PTPRT: variants seen among roughly 807,000 people sequenced by gnomAD.
The protein encoded by PTPRT is receptor-type tyrosine-protein phosphatase T.
In PTPRT, 56 loss-of-function variants were observed where a neutral mutation model predicts 176.8. The observed-to-expected ratio is 0.32, with a 90% CI of 0.26 to 0.40. The LOEUF (loss-of-function observed/expected upper bound fraction) is 0.40. Ranked by LOEUF, PTPRT falls within the 10% of genes least tolerant of loss-of-function variation. PTPRT has a pLI of 1.00. For missense variants in PTPRT, 1,540 were observed against 1,908.2 expected (o/e 0.81, Z 3.60); for synonymous variants, 783 against 739.0 (o/e 1.06, Z -0.96).
intron 1 of PTPRT, among the ~76,000 whole-genome samples, chr20:42,910,741 C>A (rs73910615): frequency 0.034 from 5,228 of 152,212 alleles, 210 homozygotes; most frequent in African/African-American, 0.097. Flanking sequence ...TTACGGAACA[C>A]AAAATCTTCT....
In PTPRT at chr20:42,411,517, CAAAAAA is replaced by C. The variant is rs10591184; in HGVS notation, c.1560+36697_1560+36702del. ...AGCCAACAAGAGCTAAACCCTGTCT[CAAAAAA>C]AAAAAAAAAAAAAAAAAGAAAAAAG... On this transcript the variant is annotated intron_variant, in intron 9 of 30. Coordinates refer to ENST00000373187, the MANE Select transcript of PTPRT (RefSeq NM_007050.6). Among the ~76,000 whole-genome samples, 284 of 88,294 alleles carry C rather than the reference CAAAAAA, an allele frequency of 3.2e-3. 1 individual carries two copies. Among genetic ancestry groups the C allele is most frequent in the African/African-American group, 0.011 (254 of 22,302 alleles). The allele number at this position is 88,294 out of a possible 152,430, so 57.9% of individuals were successfully genotyped here.
chr20:42,715,531 G>A (rs747825193), intron 6 of PTPRT, among the ~76,000 whole-genome samples: 11 of 152,162 alleles, frequency 7.2e-5, no homozygotes, highest in Non-Finnish European at 1.5e-4. Flanking sequence ...TTACTCTGGG[G>A]TTAGTAGCAG....
intron 16 of PTPRT, among the ~76,000 whole-genome samples, chr20:42,194,009 G>A (rs549228916): frequency 6.6e-5 from 10 of 152,128 alleles, no homozygotes; most frequent in East Asian, 1.9e-4. Context: ...GGCCATGAAA[G>A]CTCTCTGAAC....
intron 15 of PTPRT, among the ~76,000 whole-genome samples, chr20:42,214,619 G>A (rs1233410264): frequency 1.3e-5 from 2 of 152,202 alleles, no homozygotes; most frequent in African/African-American, 4.8e-5. Context: ...GCCTCTATCT[G>A]TCTATCTCTG....
intron 1 of PTPRT, among the ~76,000 whole-genome samples, chr20:43,031,560 C>G (rs192515325): frequency 6.6e-6 from 1 of 152,180 alleles, no homozygotes; most frequent in African/African-American, 2.4e-5. Context: ...TGGCACAACA[C>G]TTTCCAGTAC....
intron 6 of PTPRT, among the ~76,000 whole-genome samples, chr20:42,680,328 T>G (rs1235277561): frequency 6.6e-6 from 1 of 152,202 alleles, no homozygotes; most frequent in Non-Finnish European, 1.5e-5. Context: ...AGCAGATTAG[T>G]CAAGCTAGAT....
chr20:42,220,405 A>G (rs1312992579), intron 15 of PTPRT, among the ~76,000 whole-genome samples: 4 of 152,118 alleles, frequency 2.6e-5, no homozygotes, highest in Non-Finnish European at 5.9e-5. Flanking sequence ...GCCATTGTAC[A>G]TTTATTTCCA....
At position 42,512,207 on chromosome 20, in the gene PTPRT, C is replaced by T. The variant is rs560289672; in HGVS notation, c.1154-39645G>A. 1.8e-4 allele frequency among the ~76,000 whole-genome samples: 27 copies of T among 151,912 alleles called. No individual in the cohort carries two copies. In the South Asian group the frequency reaches 4.2e-3, roughly 23 times the overall value. On this transcript the variant is annotated intron_variant, in intron 7 of 30. Transcript: ENST00000373187. Reference sequence around the variant, plus strand: ...AATACATATATAGATTTCATGTAACCACCACCACTATCAGGATACAGCATG... The same window carrying T: ...AATACATATATAGATTTCATGTAACTACCACCACTATCAGGATACAGCATG...
At chr20:42,877,876 A>G in intron 2 of PTPRT, among the ~76,000 whole-genome samples, 1 of 152,174 alleles carries the variant, frequency 6.6e-6, no homozygotes, top group East Asian at 1.9e-4. Context: ...TACCTAAGCT[A>G]AGAGCTAGAA....
intron 7 of PTPRT, among the ~76,000 whole-genome samples, chr20:42,623,594 C>T (rs1159556806): frequency 6.6e-6 from 1 of 152,160 alleles, no homozygotes; most frequent in Non-Finnish European, 1.5e-5. Flanking sequence ...TGTGAGAGGC[C>T]TGAGGGACAT....
intron 15 of PTPRT, among the ~76,000 whole-genome samples, chr20:42,206,616 T>G (rs909937361): frequency 6.6e-6 from 1 of 152,182 alleles, no homozygotes; most frequent in Non-Finnish European, 1.5e-5. Context: ...ATCCCACACC[T>G]GGCTTGGAGG....
intron 7 of PTPRT, among the ~76,000 whole-genome samples, chr20:42,666,592 C>A (rs539819045): frequency 7.8e-4 from 118 of 152,218 alleles, no homozygotes; most frequent in African/African-American, 2.6e-3. Flanking sequence ...CTGTATTAAA[C>A]CCATCAATTA....
chr20:42,299,641 CT>C (rs34045854), intron 12 of PTPRT, among the ~76,000 whole-genome samples: 330 of 85,964 alleles, frequency 3.8e-3, no homozygotes, highest in African/African-American at 0.013. Context: ...GAACTTTTGC[CT>C]TTTTTTTTTT....
intron 1 of PTPRT, among the ~76,000 whole-genome samples, chr20:43,126,307 C>T (rs781106442): frequency 4.0e-4 from 60 of 150,446 alleles, no homozygotes; most frequent in Non-Finnish European, 7.2e-4. Flanking sequence ...GCCAACATCA[C>T]GCCATTGCAC....
At chr20:42,778,876 C>T (rs1438504566) in intron 4 of PTPRT, among the ~76,000 whole-genome samples, 2 of 152,196 alleles carry the variant, frequency 1.3e-5, no homozygotes, top group Non-Finnish European at 2.9e-5. Context: ...GAATGACAGA[C>T]CCATCTGAGA....
At chr20:42,757,866 G>A (rs1039777911) in intron 5 of PTPRT, among the ~76,000 whole-genome samples, 1 of 152,188 alleles carries the variant, frequency 6.6e-6, no homozygotes, top group Non-Finnish European at 1.5e-5. Context: ...GGTGCAGTTT[G>A]AGTGGATGTT....
intron 4 of PTPRT, among the ~76,000 whole-genome samples, chr20:42,776,721 T>C (rs2077141217): frequency 6.7e-6 from 1 of 148,682 alleles, no homozygotes; most frequent in South Asian, 2.1e-4. Flanking sequence ...TATAAGCATA[T>C]CATATAATTA....
chr20:42,776,000 A>C (rs2077129640), intron 4 of PTPRT, among the ~76,000 whole-genome samples: 1 of 152,238 alleles, frequency 6.6e-6, no homozygotes. Context: ...ATCCACTTGC[A>C]TGACAGGTAA....
At chr20:43,040,995 C>T (rs1341557159) in intron 1 of PTPRT, among the ~76,000 whole-genome samples, 10 of 152,176 alleles carry the variant, frequency 6.6e-5, no homozygotes, top group Non-Finnish European at 1.0e-4. Flanking sequence ...CACCTGGGAG[C>T]GTGTGAGAAA....
Sources: allele counts gnomAD v4.1 joint callset (sites outside exome capture counted in the v4.1 genomes callset), GRCh38; gene constraint gnomAD v4.1.1; transcripts MANE v1.5; gene names NCBI Gene and HGNC (gene_info 2026-07-23, HGNC 2026-07-21).